The following DPH5 variants were observed in gnomAD, a reference collection of about 807,000 sequenced individuals.
DPH5 encodes diphthine methyl ester synthase.
Under a neutral mutation model 31.6 loss-of-function variants are expected in DPH5, and 31 were observed. The ratio of observed to expected loss-of-function variants is 0.98; its 90% confidence interval spans 0.74 to 1.32. The LOEUF (loss-of-function observed/expected upper bound fraction) is 1.32. DPH5 is among the 40% of genes most tolerant of loss of function. The pLI, the probability that DPH5 is intolerant of heterozygous loss-of-function variation, is 0.00. For synonymous variants in DPH5, 120 were observed against 115.0 expected (o/e 1.04, Z -0.28); for missense variants, 309 against 335.7 (o/e 0.92, Z 0.62).
chr1:101,019,563 G>C (rs1259207168), intron 3 of DPH5, among the ~76,000 whole-genome samples: 1 of 151,844 alleles, frequency 6.6e-6, no homozygotes. Context: ...AATTAAATAA[G>C]GGATATTTTT....
At chr1:100,992,028 G>T (rs1208758037) in intron 7 of DPH5, among the ~76,000 whole-genome samples, 2 of 151,788 alleles carry the variant, frequency 1.3e-5, no homozygotes, top group Non-Finnish European at 2.9e-5. Context: ...AGCCCAGGAG[G>T]TGGAGGCTGC....
At chr1:101,010,643 T>C (rs1289328997) in intron 4 of DPH5, among the ~76,000 whole-genome samples, 1 of 152,234 alleles carries the variant, frequency 6.6e-6, no homozygotes. Flanking sequence ...AATAACTTGA[T>C]GGCTGTTTTT....
intron 2 of DPH5, 118 bp from the exon 3 acceptor site, chr1:101,021,883 T>C (rs929480103): frequency 3.2e-5 from 34 of 1,052,144 alleles, no homozygotes; most frequent in African/African-American, 6.4e-5. Context: ...CTGGTGCATA[T>C]GTTGGCAACC....
chr1:100,995,208 G>T, intron 5 of DPH5, 59 bp from the exon 6 acceptor site: 2 of 1,215,066 alleles, frequency 1.6e-6, no homozygotes, highest in Non-Finnish European at 2.4e-6. Flanking sequence ...AAAACCCTAT[G>T]TGTAAACCTC....
intron 5 of DPH5, among the ~76,000 whole-genome samples, chr1:101,000,473 A>G (rs1368787553): frequency 6.6e-6 from 1 of 152,178 alleles, no homozygotes; most frequent in Non-Finnish European, 1.5e-5. Context: ...AAACAACCCA[A>G]CCATGGTTCT....
intron 3 of DPH5, among the ~76,000 whole-genome samples, chr1:101,014,236 T>G (rs1659901101): frequency 6.6e-6 from 1 of 152,236 alleles, no homozygotes; most frequent in South Asian, 2.1e-4. Context: ...CTAGAATCAC[T>G]GCTCTATTTT....
At chr1:100,992,587 A>C (rs1657859427) in intron 7 of DPH5, 50 bp downstream of exon 7, 1 of 1,341,102 alleles carries the variant, frequency 7.5e-7, no homozygotes, top group African/African-American at 1.4e-5. Context: ...TACACATCTA[A>C]ATGTAGTAAC....
chr1:101,021,545 A>G, intron 3 of DPH5, 96 bp downstream of exon 3: 1 of 1,261,276 alleles, frequency 7.9e-7, no homozygotes, highest in Non-Finnish European at 1.1e-6. Context: ...CCTTATCAGG[A>G]CCTGGCAGGT....
intron 5 of DPH5, 179 bp from the exon 6 acceptor site, chr1:100,995,328 T>G (rs563997030): frequency 2.2e-6 from 1 of 464,298 alleles, no homozygotes; most frequent in African/African-American, 1.9e-5. Flanking sequence ...TGCCACTAGT[T>G]AGAAAACAAA....
At chr1:100,997,631 C>G (rs1490131676) in intron 5 of DPH5, among the ~76,000 whole-genome samples, 1 of 152,228 alleles carries the variant, frequency 6.6e-6, no homozygotes, top group East Asian at 1.9e-4. Context: ...TCCCAAAGTG[C>G]TGGGATTACA....
chr1:101,011,719 A>T (rs940392587), intron 4 of DPH5: 4 of 147,196 alleles, frequency 2.7e-5, no homozygotes, highest in African/African-American at 1.0e-4. Context: ...AATTAATTAA[A>T]AATAGCTTAA....
At chr1:101,001,045 G>C (rs151277645) in intron 5 of DPH5, among the ~76,000 whole-genome samples, 3 of 152,314 alleles carry the variant, frequency 2.0e-5, no homozygotes, top group African/African-American at 7.2e-5. Flanking sequence ...ATGATCTCCA[G>C]AGTCTCTTTC....
chr1:101,021,611 TA>T, intron 3 of DPH5, 29 bp downstream of exon 3: 3 of 1,589,910 alleles, frequency 1.9e-6, no homozygotes, highest in Non-Finnish European at 2.6e-6. Context: ...GTAAATGAGT[TA>T]AAAACTCAAA....
Position 100,990,597 on chromosome 1 carries a change from G to T in DPH5, c.669C>A (p.Ala223=), listed in dbSNP as rs745500146. The T allele has an allele frequency of 8.7e-6, 14 of 1,613,850 alleles. No homozygotes were observed. Among genetic ancestry groups the T allele is most frequent in the Non-Finnish European group, 9.3e-6 (11 of 1,179,964 alleles). ...TTTTCTGGTCGTCGGCTCCAACCCT[G>T]GCTAAGCCAACACAAAGTGTCTCCT... is the stretch of plus-strand genomic sequence containing the variant. ...VTEETLCVGL[A]RVGADDQKIA... is the part of the protein sequence containing the mutation. The change falls in exon 8 of 8, where the codon GCC becomes GCA. Residue 223 remains alanine, a synonymous_variant. Transcript: ENST00000370109.
At chr1:100,990,662 T>C (rs1205124560) in intron 7 of DPH5, 31 bp from the exon 8 acceptor site, 1 of 1,596,000 alleles carries the variant, frequency 6.3e-7, no homozygotes, top group African/African-American at 1.3e-5. Flanking sequence ...TGCTATTCAA[T>C]TCAGCAAATG....
chr1:101,010,017 T>C (rs968306571), intron 4 of DPH5, among the ~76,000 whole-genome samples: 3 of 152,224 alleles, frequency 2.0e-5, no homozygotes, highest in Non-Finnish European at 4.4e-5. Context: ...AGTGACTTAG[T>C]CACTCTCTAA....
intron 4 of DPH5, among the ~76,000 whole-genome samples, chr1:101,005,284 T>C (rs909446844): frequency 2.0e-5 from 3 of 152,264 alleles, no homozygotes; most frequent in South Asian, 2.1e-4. Flanking sequence ...CATGTATTTA[T>C]ATCCTAAATT....
chr1:101,020,707 A>C (rs1230907368), intron 3 of DPH5, among the ~76,000 whole-genome samples: 2 of 152,108 alleles, frequency 1.3e-5, no homozygotes, highest in African/African-American at 2.4e-5. Flanking sequence ...TTCAAGTGAC[A>C]CTACCAACCA....
Position 100,990,317 on chromosome 1 carries a change from A to G in DPH5, c.*91T>C. On this transcript the variant is annotated 3_prime_UTR_variant, in exon 8 of 8. Transcript: ENST00000370109. Reference sequence around the variant, plus strand: ...ACACCTGGGAATTATGAGGATTAAAATTCAAGATGAGACTTGGGTGGGGAT... The same window carrying G: ...ACACCTGGGAATTATGAGGATTAAAGTTCAAGATGAGACTTGGGTGGGGAT... 8.2e-7 allele frequency: 1 copy of G among 1,218,078 alleles called. No individual in the cohort carries two copies. Among genetic ancestry groups the G allele is most frequent in the Non-Finnish European group, 1.2e-6 (1 of 846,272 alleles). The allele number at this position is 1,218,078 out of a possible 1,614,324, so 75.5% of individuals were successfully genotyped here.
Sources: allele counts gnomAD v4.1 joint callset (sites outside exome capture counted in the v4.1 genomes callset), GRCh38; gene constraint gnomAD v4.1.1; transcripts MANE v1.5; gene names NCBI Gene and HGNC (gene_info 2026-07-23, HGNC 2026-07-21).